Variants in CALN1 observed in about 807,000 individuals in gnomAD.
CALN1 encodes the protein calcium-binding protein 8.
Under a neutral mutation model 30.6 loss-of-function variants are expected in CALN1, and 17 were observed. The ratio of observed to expected loss-of-function variants is 0.56; its 90% CI spans 0.38 to 0.83. CALN1 has a LOEUF of 0.83. Among genes scored for constraint, CALN1 ranks in the 40% least tolerant of loss-of-function variants. The probability of loss-of-function intolerance (pLI) is 0.00; values close to 1 mark genes in which losing one functional copy is unlikely to be tolerated. For missense variants in CALN1, 291 were observed against 354.9 expected, an observed-to-expected ratio of 0.82 and a Z score of 1.45; for synonymous variants, 156 against 131.4, an observed-to-expected ratio of 1.19 and a Z score of -1.28.
intron 3 of CALN1, among the ~76,000 whole-genome samples, chr7:72,216,865 C>T (rs543996810): frequency 1.3e-5 from 2 of 152,238 alleles, no homozygotes; most frequent in South Asian, 2.1e-4. Context: ...GATCCTCCTG[C>T]CTCAGCCTCC....
intron 5 of CALN1, among the ~76,000 whole-genome samples, chr7:71,886,258 G>A (rs1223426505): frequency 6.6e-6 from 1 of 152,232 alleles, no homozygotes; most frequent in Non-Finnish European, 1.5e-5. Context: ...AATCCAGCAG[G>A]GTCCTTAGGA....
chr7:72,210,862 G>T (rs1225372827), intron 3 of CALN1, among the ~76,000 whole-genome samples: 1 of 151,702 alleles, frequency 6.6e-6, no homozygotes, highest in Non-Finnish European at 1.5e-5. Flanking sequence ...ACCAGCCTGG[G>T]AAAGATGATG....
In CALN1 at chr7:72,403,234, G is replaced by T. The variant is rs74597340; in HGVS notation, c.119+17C>A. The T allele has an allele frequency of 1.5e-5, 23 of 1,541,474 alleles. 1 individual carries two copies. In the East Asian group the frequency reaches 5.1e-4, roughly 34 times the overall value. On this transcript the variant is annotated intron_variant, in intron 2 of 6. Coordinates refer to ENST00000395275, the MANE Select transcript of CALN1 (RefSeq NM_031468.4). Reference sequence around the variant, plus strand: ...CCAAACAATCTAGGTCCTTGGGTTTGGGGGAAGAAGACTTGCCAGGTGGGG... The same window carrying T: ...CCAAACAATCTAGGTCCTTGGGTTTTGGGGAAGAAGACTTGCCAGGTGGGG...
rs528226953 is a variant in CALN1 at position 72,026,766 on chromosome 7, T to A, written c.389-2997A>T. 1.5e-3 allele frequency among the ~76,000 whole-genome samples: 235 copies of A among 152,270 alleles called. 1 individual carries two copies. Among genetic ancestry groups the A allele is most frequent in the African/African-American group, 5.5e-3 (229 of 41,560 alleles). ...AATAAAACAACATTTATCTTGAATA[T>A]AGAACAAGATATTTGCCTACAGATA... On this transcript the variant is annotated intron_variant, in intron 4 of 6. Coordinates refer to ENST00000395275, the MANE Select transcript of CALN1 (RefSeq NM_031468.4).
At chr7:72,018,001 A>ATC (rs1800496458) in intron 5 of CALN1, among the ~76,000 whole-genome samples, 1 of 152,092 alleles carries the variant, frequency 6.6e-6, no homozygotes, top group Non-Finnish European at 1.5e-5. Context: ...GACCTGTTTA[A>ATC]TCTCCCATGA....
chr7:72,253,645 C>A (rs28656030), intron 3 of CALN1, among the ~76,000 whole-genome samples: 139 of 152,336 alleles, frequency 9.1e-4, no homozygotes, highest in African/African-American at 3.3e-3. Flanking sequence ...GGGGAACTAC[C>A]CCCATGATCC....
intron 3 of CALN1, among the ~76,000 whole-genome samples, chr7:72,176,948 T>C (rs1789399752): frequency 6.6e-6 from 1 of 152,192 alleles, no homozygotes; most frequent in South Asian, 2.1e-4. Flanking sequence ...TAATGACTAA[T>C]TAGTCTGAAG....
At chr7:72,479,836 C>T in the CALN1 span, among the ~76,000 whole-genome samples, 1 of 152,182 alleles carries the variant, frequency 6.6e-6, no homozygotes, top group East Asian at 1.9e-4. Flanking sequence ...CAGGCATGAG[C>T]CACTGAGCCC....
chr7:71,875,428 C>A (rs571188575), intron 5 of CALN1, among the ~76,000 whole-genome samples: 1 of 152,254 alleles, frequency 6.6e-6, no homozygotes, highest in African/African-American at 2.4e-5. Flanking sequence ...AATCATTTTG[C>A]AGATTGGGAA....
chr7:72,359,249 G>A (rs755590094), intron 2 of CALN1, among the ~76,000 whole-genome samples: 7 of 151,978 alleles, frequency 4.6e-5, no homozygotes, highest in Non-Finnish European at 7.4e-5. Context: ...CCTCCTCCCC[G>A]ACCGCGTTCT....
intron 2 of CALN1, among the ~76,000 whole-genome samples, chr7:72,396,266 A>AAAAAGAAAG (rs1554399603): frequency 3.7e-5 from 5 of 135,820 alleles, no homozygotes; most frequent in Non-Finnish European, 6.2e-5. Flanking sequence ...AAGAAAGAAA[A>AAAAAGAAAG]AGAAAAATTA....
intron 4 of CALN1, among the ~76,000 whole-genome samples, chr7:72,094,412 A>G (rs1806080319): frequency 6.6e-6 from 1 of 151,782 alleles, no homozygotes; most frequent in Non-Finnish European, 1.5e-5. Flanking sequence ...ACACCACAAC[A>G]CCCAGCTAAT....
intron 3 of CALN1, among the ~76,000 whole-genome samples, chr7:72,174,279 T>C (rs762165008): frequency 1.2e-4 from 19 of 152,302 alleles, no homozygotes; most frequent in Non-Finnish European, 2.4e-4. Flanking sequence ...CATACACCAA[T>C]GGTGGGAGTG....
At chr7:71,886,561 T>C (rs1792919227) in intron 5 of CALN1, among the ~76,000 whole-genome samples, 1 of 152,062 alleles carries the variant, frequency 6.6e-6, no homozygotes. Flanking sequence ...TCATCTGAGG[T>C]CAGGAGTTCG....
chr7:71,838,252 A>G (rs1484255259), intron 5 of CALN1, among the ~76,000 whole-genome samples: 2 of 152,226 alleles, frequency 1.3e-5, no homozygotes, highest in Admixed American at 1.3e-4. Context: ...GTTAGTATAA[A>G]TCTTTTTAAG....
chr7:72,326,215 T>C (rs1293881547), intron 2 of CALN1, among the ~76,000 whole-genome samples: 1 of 152,106 alleles, frequency 6.6e-6, no homozygotes, highest in Non-Finnish European at 1.5e-5. Context: ...AATTTAACTA[T>C]TGAAAGTGGT....
chr7:72,384,790 C>T (rs1015670170), intron 2 of CALN1, among the ~76,000 whole-genome samples: 1 of 151,504 alleles, frequency 6.6e-6, no homozygotes, highest in African/African-American at 2.4e-5. Flanking sequence ...AAAGCATTAT[C>T]CCTGAAAGAA....
At chr7:72,218,322 C>T (rs1793004511) in intron 3 of CALN1, among the ~76,000 whole-genome samples, 1 of 151,994 alleles carries the variant, frequency 6.6e-6, no homozygotes, top group Non-Finnish European at 1.5e-5. Context: ...GTGGCATGCA[C>T]CTGTAGTCCT....
intron 5 of CALN1, among the ~76,000 whole-genome samples, chr7:71,931,103 A>C (rs1392938813): frequency 1.3e-5 from 2 of 152,242 alleles, no homozygotes; most frequent in East Asian, 3.8e-4. Flanking sequence ...GTATTGATGA[A>C]ATTAACAAAT....
Sources: gnomAD v4.1 joint callset for allele counts (sites outside exome capture counted in the v4.1 genomes callset) on GRCh38, gnomAD v4.1.1 for gene constraint, MANE v1.5 for transcripts, NCBI Gene and HGNC (gene_info 2026-07-23, HGNC 2026-07-21) for gene names.